Variants in KIAA1217 observed in about 807,000 individuals in gnomAD.
KIAA1217 encodes the protein sickle tail protein homolog.
A neutral mutation model predicts 163.9 loss-of-function variants in KIAA1217; 88 were observed. The ratio of observed to expected loss-of-function variants is 0.54; its 90% CI spans 0.45 to 0.64. The LOEUF (loss-of-function observed/expected upper bound fraction) is 0.64, where lower values mean the gene tolerates loss of function less well. Ranked by LOEUF, KIAA1217 falls within the 30% of genes least tolerant of loss-of-function variation. KIAA1217 has a pLI of 0.00. For synonymous variants in KIAA1217, 903 were observed against 923.1 expected, an observed-to-expected ratio of 0.98 and a Z score of 0.39; for missense variants, 2,372 against 2,475.0, an observed-to-expected ratio of 0.96 and a Z score of 0.88.
intron 2 of KIAA1217, among the ~76,000 whole-genome samples, chr10:24,136,773 G>A (rs562317371): frequency 4.5e-4 from 68 of 152,290 alleles, no homozygotes; most frequent in Middle Eastern, 3.4e-3. Flanking sequence ...AGGAAACATT[G>A]ACTGAGCATT....
Position 23,947,226 on chromosome 10 carries a change from T to A in KIAA1217, c.-320-59999T>A, listed in dbSNP as rs56087595. On this transcript the variant is annotated intron_variant, in intron 1 of 18. Transcript: ENST00000376462. ...AACAGACTAATGCACTATATAAGGATTGAATGTTTATAACATGAGAATGAA... is the reference window on the plus strand; with the variant it reads ...AACAGACTAATGCACTATATAAGGAATGAATGTTTATAACATGAGAATGAA... Among the ~76,000 whole-genome samples, 749 of 152,310 alleles carry A rather than the reference T, an allele frequency of 4.9e-3. 8 individuals are homozygous for A. The highest frequency in any genetic ancestry group is 0.015 in the African/African-American group (615 of 41,576).
At chr10:24,213,024 C>T (rs993398815) in intron 1 of KIAA1217, among the ~76,000 whole-genome samples, 1 of 152,174 alleles carries the variant, frequency 6.6e-6, no homozygotes, top group Non-Finnish European at 1.5e-5. Flanking sequence ...TGAAAGGGAA[C>T]ACTCAAATAA....
At chr10:24,223,859 C>G (rs1009285125) in intron 2 of KIAA1217, among the ~76,000 whole-genome samples, 2 of 150,126 alleles carry the variant, frequency 1.3e-5, no homozygotes, top group Non-Finnish European at 3.0e-5. Flanking sequence ...CGCCCACCCC[C>G]AGATAACTGG....
rs539270282 is a variant in KIAA1217 at position 24,090,912 on chromosome 10, A to G, written c.-171+83538A>G. On this transcript the variant is annotated intron_variant, in intron 2 of 18. Coordinates refer to the KIAA1217 transcript ENST00000376462. ...GAAACACTAGTTACCTATGTAGATT[A>G]TGTCTGGATTCACAGCCCAACTCAC... is the stretch of plus-strand genomic sequence containing the variant. Among the ~76,000 whole-genome samples, 4 of 152,016 alleles carry G rather than the reference A, an allele frequency of 2.6e-5. No individual in the cohort carries two copies. In the East Asian group the frequency reaches 7.7e-4, roughly 29 times the overall value.
chr10:24,098,234 C>T (rs1206807613), intron 2 of KIAA1217, among the ~76,000 whole-genome samples: 1 of 152,104 alleles, frequency 6.6e-6, no homozygotes, highest in Non-Finnish European at 1.5e-5. Flanking sequence ...ATTCCAGAGA[C>T]CTGCTGCTAC....
intron 2 of KIAA1217, among the ~76,000 whole-genome samples, chr10:24,117,215 T>G (rs1041706772): frequency 6.6e-6 from 1 of 152,090 alleles, no homozygotes; most frequent in African/African-American, 2.4e-5. Flanking sequence ...TTTTGTATTT[T>G]TAGTAGAGAC....
chr10:23,878,749 G>A (rs1022106579), intron 1 of KIAA1217, among the ~76,000 whole-genome samples: 4 of 151,914 alleles, frequency 2.6e-5, no homozygotes, highest in African/African-American at 9.7e-5. Flanking sequence ...AGAGAAAAGT[G>A]GTGGGGTTTG....
intron 5 of KIAA1217, among the ~76,000 whole-genome samples, chr10:24,450,399 A>G (rs761442624): frequency 5.3e-5 from 8 of 152,242 alleles, no homozygotes; most frequent in Non-Finnish European, 1.0e-4. Flanking sequence ...AATCTCTTAT[A>G]GCAGGTTTAG....
chr10:23,714,093 G>A (rs989660711), intron 1 of KIAA1217, among the ~76,000 whole-genome samples: 6 of 151,998 alleles, frequency 3.9e-5, no homozygotes, highest in Non-Finnish European at 8.8e-5. Flanking sequence ...CCAAGTTCAG[G>A]ATCTGAACAT....
intron 10 of KIAA1217, among the ~76,000 whole-genome samples, chr10:24,519,291 G>C (rs572122300): frequency 4.6e-5 from 7 of 152,276 alleles, no homozygotes; most frequent in African/African-American, 1.7e-4. Context: ...TGTGGCCAAG[G>C]AGGTGGTTGT....
Position 24,360,692 on chromosome 10 carries a change from C to T in KIAA1217, c.355-20177C>T, listed in dbSNP as rs539407543. On this transcript the variant is annotated intron_variant, in intron 2 of 20. Coordinates refer to ENST00000376454, the MANE Select transcript of KIAA1217 (RefSeq NM_019590.5). ...ATTATGCTGGAGACTGTATCATACT[C>T]GCTAGGTTCAGGGCACCCCCTTGTG... is the stretch of plus-strand genomic sequence containing the variant. 5.3e-5 allele frequency among the ~76,000 whole-genome samples: 8 copies of T among 152,242 alleles called. No individual in the cohort carries two copies. In the East Asian group the frequency reaches 5.8e-4, roughly 11 times the overall value.
chr10:24,398,473 A>G (rs777726547), intron 3 of KIAA1217, among the ~76,000 whole-genome samples: 6 of 152,164 alleles, frequency 3.9e-5, no homozygotes, highest in Admixed American at 2.0e-4. Context: ...CTCAGAAGAA[A>G]CAATTTGACT....
At chr10:23,932,632 A>G (rs1843305158) in intron 1 of KIAA1217, among the ~76,000 whole-genome samples, 1 of 152,222 alleles carries the variant, frequency 6.6e-6, no homozygotes, top group Non-Finnish European at 1.5e-5. Flanking sequence ...ATTTTTAGAT[A>G]GTAATATTTT....
At chr10:24,160,633 G>C (rs561465205) in intron 2 of KIAA1217, among the ~76,000 whole-genome samples, 2 of 152,202 alleles carry the variant, frequency 1.3e-5, no homozygotes, top group South Asian at 4.2e-4. Context: ...TTCTGCAAAT[G>C]GATTTTCCTC....
chr10:23,903,037 GT>G (rs980280334), intron 1 of KIAA1217, among the ~76,000 whole-genome samples: 20 of 152,070 alleles, frequency 1.3e-4, no homozygotes, highest in Admixed American at 1.1e-3. Flanking sequence ...CCTTTGCACT[GT>G]TTTTAATGAA....
intron 3 of KIAA1217, among the ~76,000 whole-genome samples, chr10:24,396,554 G>A (rs1165621386): frequency 6.6e-6 from 1 of 152,134 alleles, no homozygotes; most frequent in Non-Finnish European, 1.5e-5. Flanking sequence ...TGGGAGAGTT[G>A]TAATTTTATG....
rs371567193 is a variant in KIAA1217 at position 23,695,704 on chromosome 10, C to G, written c.-321+470C>G. On this transcript the variant is annotated intron_variant, in intron 1 of 18. Transcript: ENST00000376462. This position sits in a 1 kb window ranked among gnomAD's most constrained non-coding sequence, Gnocchi z 4.9. ...GGGCAAGGAGAGAGAGAACCGGCCC[C>G]GAGACGGGCTGGAGGGTGGGGACAC... 6.6e-6 allele frequency among the ~76,000 whole-genome samples: 1 copy of G among 152,104 alleles called. No homozygotes were observed. Among genetic ancestry groups the G allele is most frequent in the Non-Finnish European group, 1.5e-5 (1 of 68,002 alleles).
At chr10:23,977,902 C>T (rs537798411) in intron 1 of KIAA1217, among the ~76,000 whole-genome samples, 4 of 152,100 alleles carry the variant, frequency 2.6e-5, no homozygotes, top group Admixed American at 6.6e-5. Flanking sequence ...CCTTTGGGAC[C>T]TTGTCTGGGG....
In KIAA1217 at chr10:24,473,554, T is replaced by A. The variant is rs2063738548; in HGVS notation, c.1173T>A (p.Gly391=). 6.2e-7 allele frequency: 1 copy of A among 1,613,610 alleles called. No homozygotes were observed. The highest frequency in any genetic ancestry group is 8.5e-7 in the Non-Finnish European group (1 of 1,179,774). The change falls in exon 6 of 21, where the codon GGT becomes GGA. Residue 391 remains glycine, a synonymous_variant. Transcript: ENST00000376454. ...GKNIAMYRNE[G]FYADPYLYHE... ...ACATTGCAATGTACAGAAATGAGGG[T>A]TTCTATGCTGATCCTTACCTTTATC...
Sources: allele counts gnomAD v4.1 joint callset (sites outside exome capture counted in the v4.1 genomes callset), GRCh38; gene constraint gnomAD v4.1.1; non-coding constraint Gnocchi (gnomAD v3.1); transcripts MANE v1.5; gene names NCBI Gene and HGNC (gene_info 2026-07-23, HGNC 2026-07-21).